The following ADAMTS3 variants were observed in gnomAD, a reference collection of about 807,000 sequenced individuals.
ADAMTS3 encodes A disintegrin and metalloproteinase with thrombospondin motifs 3.
In ADAMTS3, 73 loss-of-function variants were observed where a neutral mutation model predicts 129.0. That is an observed-to-expected ratio of 0.57 (90% CI 0.47 to 0.69). The LOEUF (loss-of-function observed/expected upper bound fraction) is 0.69. Ranked by LOEUF, ADAMTS3 falls within the 30% of genes least tolerant of loss-of-function variation. The pLI is 0.00. For missense variants in ADAMTS3, 1,457 were observed against 1,514.5 expected (o/e 0.96, Z 0.63); for synonymous variants, 477 against 510.8 (o/e 0.93, Z 0.89).
intron 3 of ADAMTS3, among the ~76,000 whole-genome samples, chr4:72,519,676 CT>C (rs768883275): frequency 3.3e-5 from 5 of 152,218 alleles, no homozygotes; most frequent in Non-Finnish European, 7.3e-5. Flanking sequence ...CAAGCCTTGG[CT>C]TTCAGCTCCA....
chr4:72,384,964 C>T (rs1468132139), intron 4 of ADAMTS3, among the ~76,000 whole-genome samples: 5 of 152,070 alleles, frequency 3.3e-5, no homozygotes, highest in African/African-American at 4.8e-5. Context: ...GTCAGGAGAT[C>T]GAGACCATCC....
intron 4 of ADAMTS3, among the ~76,000 whole-genome samples, chr4:72,398,769 T>G (rs1721793401): frequency 6.6e-6 from 1 of 152,074 alleles, no homozygotes; most frequent in African/African-American, 2.4e-5. Context: ...AGTAAGCAAG[T>G]TCTACATCCT....
At chr4:72,419,455 T>C (rs1225345125) in intron 3 of ADAMTS3, among the ~76,000 whole-genome samples, 1 of 152,162 alleles carries the variant, frequency 6.6e-6, no homozygotes, top group Non-Finnish European at 1.5e-5. Flanking sequence ...ATAGTGGGGA[T>C]AGAATAGAAG....
intron 3 of ADAMTS3, among the ~76,000 whole-genome samples, chr4:72,494,694 C>T (rs1041659000): frequency 1.3e-5 from 2 of 152,134 alleles, no homozygotes; most frequent in African/African-American, 4.8e-5. Flanking sequence ...GAGCAGTAGC[C>T]TCTTCCAGAC....
chr4:72,450,000 T>C (rs1366022530), intron 3 of ADAMTS3, among the ~76,000 whole-genome samples: 1 of 151,808 alleles, frequency 6.6e-6, no homozygotes, highest in Non-Finnish European at 1.5e-5. Context: ...AGTTTTCCTG[T>C]GTGTATATTG....
chr4:72,307,656 C>A (rs893625399), intron 15 of ADAMTS3, among the ~76,000 whole-genome samples: 1 of 151,844 alleles, frequency 6.6e-6, no homozygotes, highest in Non-Finnish European at 1.5e-5. Context: ...ATAGATAATG[C>A]CAATAAACTG....
chr4:72,408,917 G>C (rs1049914439), intron 4 of ADAMTS3, among the ~76,000 whole-genome samples: 56 of 152,110 alleles, frequency 3.7e-4, no homozygotes, highest in Admixed American at 3.0e-3. Context: ...GGCCGGTCGG[G>C]GGGTGGGGGC....
At chr4:72,445,411 T>C (rs1295916672) in intron 3 of ADAMTS3, among the ~76,000 whole-genome samples, 1 of 151,712 alleles carries the variant, frequency 6.6e-6, no homozygotes, top group Non-Finnish European at 1.5e-5. Context: ...ACCAATATGT[T>C]CAAATAATCT....
intron 5 of ADAMTS3, among the ~76,000 whole-genome samples, chr4:72,334,054 C>T (rs950552373): frequency 4.0e-5 from 6 of 151,740 alleles, no homozygotes; most frequent in South Asian, 2.1e-4. Context: ...GGGGTTTCAC[C>T]GTGTTAGCCA....
intron 3 of ADAMTS3, among the ~76,000 whole-genome samples, chr4:72,459,428 G>A (rs557947011): frequency 1.3e-5 from 2 of 151,620 alleles, no homozygotes; most frequent in East Asian, 2.0e-4. Flanking sequence ...AGCAATAAAC[G>A]CAAATTATCA....
In ADAMTS3 at chr4:72,288,844, T is replaced by G; in HGVS notation, c.2956A>C (p.Thr986Pro). ...SECSVTCGEG[T>P]EVRQVLCRAG... ...CTGCAGAGGACCTGCCTCACCTCCG[T>G]TCCTTCACCGCAGGTCACTGAACAC... is the stretch of plus-strand genomic sequence containing the variant. Residue 986 changes from threonine to proline, a missense_variant, in exon 21 of 22, where the codon ACG becomes CCG. Thr to Pro is a conservative substitution (Grantham distance 38, BLOSUM62 -1). Transcript: ENST00000286657. 1 of 1,612,906 alleles carries G rather than the reference T, an allele frequency of 6.2e-7. No homozygotes were observed. The highest frequency in any genetic ancestry group is 2.2e-5 in the East Asian group (1 of 44,742).
intron 5 of ADAMTS3, 23 bp downstream of exon 5, chr4:72,339,471 T>G (rs777872497): frequency 6.2e-7 from 1 of 1,611,036 alleles, no homozygotes; most frequent in Non-Finnish European, 8.5e-7. Context: ...ATCAAAAAGC[T>G]TTAAAAAGGA....
intron 18 of ADAMTS3, 66 bp downstream of exon 18, chr4:72,298,211 A>C: frequency 7.3e-7 from 1 of 1,366,642 alleles, no homozygotes; most frequent in Non-Finnish European, 1.0e-6. Flanking sequence ...ACAGCAATAA[A>C]GGTAGAAGCA....
At chr4:72,447,290 C>A (rs1718280353) in intron 3 of ADAMTS3, among the ~76,000 whole-genome samples, 1 of 151,694 alleles carries the variant, frequency 6.6e-6, no homozygotes, top group South Asian at 2.1e-4. Flanking sequence ...AAGAAGCTGC[C>A]ATCAATATCA....
chr4:72,337,032 T>A (rs897043435), intron 5 of ADAMTS3, among the ~76,000 whole-genome samples: 31 of 152,270 alleles, frequency 2.0e-4, no homozygotes, highest in African/African-American at 7.2e-4. Flanking sequence ...TCATCAATAA[T>A]AAAACTATTT....
intron 6 of ADAMTS3, 136 bp from the exon 7 acceptor site, chr4:72,321,006 T>C (rs1719539658): frequency 1.2e-6 from 1 of 856,930 alleles, no homozygotes; most frequent in Non-Finnish European, 1.7e-6. Flanking sequence ...ATTCTGATAT[T>C]TGCTTTGATT....
chr4:72,367,857 A>C (rs1020406856), intron 4 of ADAMTS3, among the ~76,000 whole-genome samples: 1 of 152,080 alleles, frequency 6.6e-6, no homozygotes, highest in Non-Finnish European at 1.5e-5. Flanking sequence ...GTCAAAAAAA[A>C]AAAAAAAAAA....
chr4:72,479,310 T>C (rs2110003380), intron 3 of ADAMTS3, among the ~76,000 whole-genome samples: 1 of 152,206 alleles, frequency 6.6e-6, no homozygotes, highest in South Asian at 2.1e-4. Context: ...AAGGCTACAG[T>C]CACCAAAACA....
At chr4:72,479,493 G>A (rs921766262) in intron 3 of ADAMTS3, among the ~76,000 whole-genome samples, 2 of 152,200 alleles carry the variant, frequency 1.3e-5, no homozygotes, top group Middle Eastern at 3.2e-3. Flanking sequence ...CTAGCCATAT[G>A]TAGAAAGCTG....
Sources: gnomAD v4.1 joint callset for allele counts (sites outside exome capture counted in the v4.1 genomes callset) on GRCh38, gnomAD v4.1.1 for gene constraint, MANE v1.5 for transcripts, NCBI Gene and HGNC (gene_info 2026-07-23, HGNC 2026-07-21) for gene names.